The following NR2C2AP variants were observed in gnomAD, a reference collection of about 807,000 sequenced individuals.
NR2C2AP encodes the protein nuclear receptor 2C2 associated protein, also known as nuclear receptor 2C2-associated protein.
NR2C2AP carries 13 observed loss-of-function variants against 19.1 expected under a neutral mutation model. That is an observed-to-expected ratio of 0.68 (90% confidence interval 0.44 to 1.08). The LOEUF is 1.08. NR2C2AP is among the 50% of genes least tolerant of loss of function. The pLI is 0.00. For missense variants in NR2C2AP, 181 were observed against 172.7 expected, an observed-to-expected ratio of 1.05 and a Z score of -0.27; for synonymous variants, 81 against 64.4, an observed-to-expected ratio of 1.26 and a Z score of -1.23.
rs1391558061 is a variant in NR2C2AP, at chr19:19,203,360, G to A, written c.-300C>T. The A allele has an allele frequency of 1.4e-5, 7 of 510,672 alleles. No individual in the cohort carries two copies. The highest frequency in any genetic ancestry group is 1.3e-4 in the African/African-American group (7 of 52,058). The allele number at this position is 510,672 out of a possible 1,614,324, so 31.6% of individuals were successfully genotyped here. ...TTTCGGGGGCGGTGGCTTTTTGTGC[G>A]AGGCTGTTTCTCTGCGAATAGCTCT... On this transcript the variant is annotated 5_prime_UTR_variant, in exon 1 of 5. Transcript: ENST00000331552.
intron 2 of NR2C2AP, 105 bp downstream of exon 2, chr19:19,202,686 A>G: frequency 7.2e-7 from 1 of 1,397,046 alleles, no homozygotes; most frequent in Non-Finnish European, 1.0e-6. Flanking sequence ...GAAATTCGGC[A>G]CATGTTCCTT....
rs759019350 is a variant in NR2C2AP, at chr19:19,202,495, G to A, written c.210C>T (p.Phe70=). Residue 70 remains phenylalanine, a synonymous_variant, in exon 3 of 5, where the codon TTC becomes TTT. Transcript: ENST00000331552. ...SQLQIQFQGG[F]SSRRGCLEGS... ...CTTCCAGGCAGCCCCGGCGACTGGA[G>A]AAGCCACCCTGAAACTGGATCTGCA... is the stretch of plus-strand genomic sequence containing the variant. 5 of 1,613,986 alleles carry A rather than the reference G, an allele frequency of 3.1e-6. No homozygotes were observed. The highest frequency in any genetic ancestry group is 3.4e-6 in the Non-Finnish European group (4 of 1,180,020).
Position 19,201,747 on chromosome 19 carries a change from C to G in NR2C2AP, c.*178G>C. 1 of 1,613,754 alleles carries G rather than the reference C, an allele frequency of 6.2e-7. No homozygotes were observed. The highest frequency in any genetic ancestry group is 2.2e-5 in the East Asian group (1 of 44,882). On this transcript the variant is annotated 3_prime_UTR_variant, in exon 5 of 5. Transcript: ENST00000331552. ...GCCGCCTGCCGGGGACTCAGACACT[C>G]AGGGAACAAAATGGTCAGCCAGAGC... is the stretch of plus-strand genomic sequence containing the variant.
chr19:19,201,785 G>T lies in NR2C2AP; in HGVS notation c.*140C>A. Reference sequence around the variant, plus strand: ...GGTCAGCCAGAGCTGGGGAAACCCAGAACTGACTTCAAAGGCAGCTTCTGG... The same window carrying T: ...GGTCAGCCAGAGCTGGGGAAACCCATAACTGACTTCAAAGGCAGCTTCTGG... On this transcript the variant is annotated 3_prime_UTR_variant, in exon 5 of 5. Coordinates refer to ENST00000331552, the MANE Select transcript of NR2C2AP (RefSeq NM_176880.6). 1 of 1,613,322 alleles carries T rather than the reference G, an allele frequency of 6.2e-7. No homozygotes were observed. The highest frequency in any genetic ancestry group is 1.1e-5 in the South Asian group (1 of 91,040).
Position 19,203,208 on chromosome 19 carries a change from C to T in NR2C2AP, c.-148G>A, listed in dbSNP as rs1721198435. The T allele has an allele frequency of 1.3e-6, 1 of 747,068 alleles. No homozygotes were observed. The highest frequency in any genetic ancestry group is 2.3e-6 in the Non-Finnish European group (1 of 428,370). 46.3% of individuals were successfully genotyped at this position (747,068 alleles called of 1,614,324 possible). Reference sequence around the variant, plus strand: ...GTAACTTGGGACGAGAACCGCCACTCCCTCGCCCACCCCAGTCCTAAATGT... The same window carrying T: ...GTAACTTGGGACGAGAACCGCCACTTCCTCGCCCACCCCAGTCCTAAATGT... On this transcript the variant is annotated 5_prime_UTR_variant, in exon 1 of 5. Coordinates refer to ENST00000331552, the MANE Select transcript of NR2C2AP (RefSeq NM_176880.6).
chr19:19,202,308 C>T, intron 4 of NR2C2AP, 23 bp downstream of exon 4: 2 of 1,612,488 alleles, frequency 1.2e-6, no homozygotes, highest in East Asian at 2.2e-5. Context: ...AGACCACCCA[C>T]CCCAGAAGCA....
Position 19,203,132 on chromosome 19 carries a change from G to C in NR2C2AP, c.-72C>G. The C allele has an allele frequency of 1.9e-6, 3 of 1,540,840 alleles. No homozygotes were observed. The highest frequency in any genetic ancestry group is 2.7e-6 in the Non-Finnish European group (3 of 1,120,546). On this transcript the variant is annotated 5_prime_UTR_variant, in exon 1 of 5. Transcript: ENST00000331552. The stretch of plus-strand genomic sequence containing the variant: ...GGTTCGAATCCCGGCGCCTCCTCAA[G>C]CTACAGGGCGGCGCGATCTTGGCTA...
chr19:19,202,743 C>A, intron 2 of NR2C2AP, 48 bp downstream of exon 2: 1 of 1,560,718 alleles, frequency 6.4e-7, no homozygotes, highest in South Asian at 1.1e-5. Context: ...GGCATGAGAT[C>A]TGAATCTGAA....
chr19:19,202,896 A>C lies in NR2C2AP; in HGVS notation c.39-15T>G, dbSNP rs1424034296. 1.2e-6 allele frequency: 2 copies of C among 1,612,510 alleles called. No homozygotes were observed. Among genetic ancestry groups the C allele is most frequent in the Admixed American group, 3.3e-5 (2 of 59,994 alleles). On this transcript the variant is annotated splice_polypyrimidine_tract_variant and intron_variant, in intron 1 of 4. Transcript: ENST00000331552. ...CTGAACTCACCCTGGAGGCACCAGG[A>C]TCAAGGCGAAGAGAGGGGCTGAGAC...
rs1281160282 is a variant in NR2C2AP, at chr19:19,201,634, C to T, written c.*291G>A. ...ATTCAAGCTCACAGCCCACCTTTTC[C>T]CTGCCCCATCTCAGTGCAACAGGTG... is the stretch of plus-strand genomic sequence containing the variant. On this transcript the variant is annotated 3_prime_UTR_variant, in exon 5 of 5. Transcript: ENST00000331552. The T allele has an allele frequency of 1.2e-6, 2 of 1,613,948 alleles. No individual in the cohort carries two copies. The highest frequency in any genetic ancestry group is 1.3e-5 in the African/African-American group (1 of 74,926).
In NR2C2AP at chr19:19,202,782, G is replaced by A. The variant is rs757068506; in HGVS notation, c.129+9C>T. On this transcript the variant is annotated intron_variant, in intron 2 of 4. Coordinates refer to ENST00000331552, the MANE Select transcript of NR2C2AP (RefSeq NM_176880.6). ...CCCTAGAGATGGAGGGTCGAGGGAGGCGCCTCACCTGGTCTGAGTTCCAAC... is the reference window on the plus strand; with the variant it reads ...CCCTAGAGATGGAGGGTCGAGGGAGACGCCTCACCTGGTCTGAGTTCCAAC... 16 of 1,611,696 alleles carry A rather than the reference G, an allele frequency of 9.9e-6. No individual in the cohort carries two copies. The highest frequency in any genetic ancestry group is 1.3e-5 in the Non-Finnish European group (15 of 1,178,038).
Position 19,203,024 on chromosome 19 carries a change from T to G in NR2C2AP, c.37A>C (p.Arg13=), listed in dbSNP as rs1480481198. ...HSLVCPETVS[R]VSSVLNRNTR... is the part of the protein sequence containing the mutation. ...CTGCCTGTCCCCACAGACTCTTACC[T>G]GCTCACTGTCTCTGGACAAACCAAA... Residue 13 remains arginine, a splice_region_variant and synonymous_variant, in exon 1 of 5, where the codon AGG becomes CGG. Transcript: ENST00000331552. 2 of 1,614,032 alleles carry G rather than the reference T, an allele frequency of 1.2e-6. No individual in the cohort carries two copies. The highest frequency in any genetic ancestry group is 2.7e-5 in the African/African-American group (2 of 74,922).
rs760263211 is a variant in NR2C2AP, at chr19:19,202,470, C to G, written c.235G>C (p.Gly79Arg). The G allele has an allele frequency of 6.2e-7, 1 of 1,613,970 alleles. No individual in the cohort carries two copies. The highest frequency in any genetic ancestry group is 2.2e-5 in the East Asian group (1 of 44,884). The change falls in exon 3 of 5, where the codon GGT becomes CGT. Residue 79 changes from glycine to arginine, a missense_variant and splice_region_variant. Transcript: ENST00000331552. ...CCTGCCACCCAGGGCCTTCTAGTAC[C>G]TTCCAGGCAGCCCCGGCGACTGGAG... is the stretch of plus-strand genomic sequence containing the variant. ...GFSSRRGCLE[G>R]SQGTQALHKI...
At chr19:19,202,727 T>A in intron 2 of NR2C2AP, 64 bp downstream of exon 2, 1 of 1,524,018 alleles carries the variant, frequency 6.6e-7, no homozygotes, top group East Asian at 2.2e-5. Flanking sequence ...CCCCTGACGT[T>A]CTCAAGGCAT....
Position 19,201,659 on chromosome 19 carries a change from G to T in NR2C2AP, c.*266C>A. On this transcript the variant is annotated 3_prime_UTR_variant, in exon 5 of 5. Coordinates refer to ENST00000331552, the MANE Select transcript of NR2C2AP (RefSeq NM_176880.6). ...CCTGCCCCATCTCAGTGCAACAGGT[G>T]ATCGAGAACCACATCCTCAAGCTCT... The T allele has an allele frequency of 6.2e-7, 1 of 1,614,112 alleles. No individual in the cohort carries two copies. The highest frequency in any genetic ancestry group is 8.5e-7 in the Non-Finnish European group (1 of 1,180,034).
Position 19,201,679 on chromosome 19 carries a change from A to C in NR2C2AP, c.*246T>G. 1 of 1,614,138 alleles carries C rather than the reference A, an allele frequency of 6.2e-7. No homozygotes were observed. Among genetic ancestry groups the C allele is most frequent in the South Asian group, 1.1e-5 (1 of 91,092 alleles). ...CAGGTGATCGAGAACCACATCCTCAAGCTCTTCCAGAGCAACCTGGTGCCC... is the reference window on the plus strand; with the variant it reads ...CAGGTGATCGAGAACCACATCCTCACGCTCTTCCAGAGCAACCTGGTGCCC... On this transcript the variant is annotated 3_prime_UTR_variant, in exon 5 of 5. Transcript: ENST00000331552.
intron 4 of NR2C2AP, 42 bp from the exon 5 acceptor site, chr19:19,202,083 C>G (rs780619900): frequency 1.9e-6 from 3 of 1,602,130 alleles, no homozygotes; most frequent in Non-Finnish European, 2.6e-6. Context: ...TTTCTGGTTT[C>G]CCACCCGCAG....
At position 19,203,064 on chromosome 19, in the gene NR2C2AP, G is replaced by T. The variant is rs778402164; in HGVS notation, c.-4C>A. 6.2e-7 allele frequency: 1 copy of T among 1,613,938 alleles called. No individual in the cohort carries two copies. Among genetic ancestry groups the T allele is most frequent in the Non-Finnish European group, 8.5e-7 (1 of 1,179,872 alleles). ...GACAAACCAAAGAGTGGGTCATGTC[G>T]GTTCCACAAGACCTCGCAGGGCTTA... On this transcript the variant is annotated 5_prime_UTR_variant, in exon 1 of 5. Coordinates refer to ENST00000331552, the MANE Select transcript of NR2C2AP (RefSeq NM_176880.6).
At chr19:19,202,733 G>A in intron 2 of NR2C2AP, 58 bp downstream of exon 2, 1 of 1,539,178 alleles carries the variant, frequency 6.5e-7, no homozygotes, top group Non-Finnish European at 9.0e-7. Flanking sequence ...ACGTTCTCAA[G>A]GCATGAGATC....
Sources: gnomAD v4.1 joint callset for allele counts on GRCh38, gnomAD v4.1.1 for gene constraint, MANE v1.5 for transcripts, NCBI Gene and HGNC (gene_info 2026-07-23, HGNC 2026-07-21) for gene names.